The following WDPCP variants were observed in gnomAD, a reference collection of about 807,000 sequenced individuals.
The protein encoded by WDPCP is WD repeat containing planar cell polarity effector, also known as WD repeat-containing and planar cell polarity effector protein fritz homolog.
Under a neutral mutation model 93.1 loss-of-function variants are expected in WDPCP, and 71 were observed. That is an observed-to-expected ratio of 0.76 (90% CI 0.63 to 0.93). WDPCP has a LOEUF of 0.93. WDPCP is among the 40% of genes least tolerant of loss of function. The pLI, the probability that WDPCP is intolerant of heterozygous loss-of-function variation, is 0.00. For missense variants in WDPCP, 844 were observed against 887.4 expected, an observed-to-expected ratio of 0.95 and a Z score of 0.62; for synonymous variants, 315 against 315.0, an observed-to-expected ratio of 1.00 and a Z score of 0.00.
At chr2:63,778,881 A>AT (rs1670345671) in intron 2 of WDPCP, among the ~76,000 whole-genome samples, 1 of 152,138 alleles carries the variant, frequency 6.6e-6, no homozygotes, top group African/African-American at 2.4e-5. Flanking sequence ...AAAATAACAT[A>AT]TTTTTGTTTT....
intron 14 of WDPCP, among the ~76,000 whole-genome samples, chr2:63,215,124 T>C (rs537778601): frequency 7.9e-4 from 121 of 152,256 alleles, no homozygotes; most frequent in African/African-American, 2.7e-3. Context: ...AAAAAACTAC[T>C]TTAAAGTTCA....
intron 6 of WDPCP, among the ~76,000 whole-genome samples, chr2:63,450,839 G>C (rs1463695902): frequency 2.6e-5 from 4 of 151,300 alleles, no homozygotes; most frequent in Non-Finnish European, 5.9e-5. Flanking sequence ...TATAACTTCA[G>C]GAAAAAGTCA....
chr2:63,652,416 G>A (rs1374875973), intron 2 of WDPCP, among the ~76,000 whole-genome samples: 2 of 152,164 alleles, frequency 1.3e-5, no homozygotes, highest in African/African-American at 4.8e-5. Flanking sequence ...AGATCTCAAC[G>A]CAAGCAAAGG....
At chr2:63,378,325 G>A in intron 12 of WDPCP, 61 bp downstream of exon 12, 1 of 1,607,254 alleles carries the variant, frequency 6.2e-7, no homozygotes, top group Non-Finnish European at 8.5e-7. Context: ...TTTAATTAAA[G>A]AGGATGTCTC....
intron 1 of WDPCP, among the ~76,000 whole-genome samples, chr2:63,523,909 C>T (rs1409249049): frequency 6.6e-6 from 1 of 151,984 alleles, no homozygotes; most frequent in Non-Finnish European, 1.5e-5. Context: ...GAAACTCTGT[C>T]TCAAAAAAAT....
intron 9 of WDPCP, among the ~76,000 whole-genome samples, chr2:63,414,579 A>G (rs12465146): frequency 0.41 from 62,453 of 151,900 alleles, 13,103 homozygotes; most frequent in Non-Finnish European, 0.43. Flanking sequence ...ATTTGCAGTG[A>G]CCTGGATGAG....
intron 9 of WDPCP, among the ~76,000 whole-genome samples, chr2:63,407,081 C>T (rs977976162): frequency 2.0e-5 from 3 of 152,044 alleles, no homozygotes; most frequent in African/African-American, 7.2e-5. Flanking sequence ...ATCCTAAACA[C>T]TATGAAGTAA....
intron 12 of WDPCP, among the ~76,000 whole-genome samples, chr2:63,345,182 T>C (rs1234736540): frequency 6.6e-6 from 1 of 152,182 alleles, no homozygotes; most frequent in African/African-American, 2.4e-5. Context: ...CAATTTCCTA[T>C]TACACAGAAA....
chr2:63,431,714 C>A (rs570039921), intron 9 of WDPCP, among the ~76,000 whole-genome samples: 22 of 152,104 alleles, frequency 1.4e-4, no homozygotes, highest in South Asian at 6.2e-4. Context: ...CTAGAAATTT[C>A]TTCTACAAGA....
chr2:63,403,779 T>A, intron 10 of WDPCP: 1 of 395,424 alleles, frequency 2.5e-6, no homozygotes, highest in South Asian at 3.1e-5. Context: ...GTAGTGTAGT[T>A]TATTTTAGAG....
At chr2:63,377,846 ACTTTT>A (rs1444968421) in intron 12 of WDPCP, 2 of 154,404 alleles carry the variant, frequency 1.3e-5, no homozygotes, top group African/African-American at 2.4e-5. Flanking sequence ...CTTCTGCAAT[ACTTTT>A]CTTAGAGAAA....
In WDPCP at chr2:63,484,923, C is replaced by T; in HGVS notation, c.318G>A (p.Glu106=). 1 of 1,612,528 alleles carries T rather than the reference C, an allele frequency of 6.2e-7. No homozygotes were observed. ...GAAACTTTTTGAAAGATACCTCCAA[C>T]TCTTTGAGCGAGTCTCGGAGTTTTT... The part of the protein sequence containing the change: ...RPEKLRDSLK[E]LEELMQNSRC... The change falls in exon 5 of 18, where the codon GAG becomes GAA. Residue 106 remains glutamate, a synonymous_variant. Transcript: ENST00000272321.
chr2:63,495,097 A>G (rs950849322), intron 1 of WDPCP, among the ~76,000 whole-genome samples: 33 of 152,132 alleles, frequency 2.2e-4, no homozygotes, highest in African/African-American at 7.7e-4. Context: ...AAGCTAAGAG[A>G]TGAAATAAGG....
At chr2:63,470,207 C>T (rs1460778854) in intron 6 of WDPCP, among the ~76,000 whole-genome samples, 3 of 152,212 alleles carry the variant, frequency 2.0e-5, no homozygotes, top group Non-Finnish European at 4.4e-5. Flanking sequence ...TGATCTTCAC[C>T]AGTCTTTTGG....
intron 3 of WDPCP, among the ~76,000 whole-genome samples, chr2:63,617,383 G>A (rs1709683342): frequency 6.6e-6 from 1 of 152,172 alleles, no homozygotes; most frequent in Non-Finnish European, 1.5e-5. Flanking sequence ...AGGGAAAAAT[G>A]CTTTCTTATA....
chr2:63,407,243 C>T (rs899944301), intron 9 of WDPCP, among the ~76,000 whole-genome samples: 7 of 151,966 alleles, frequency 4.6e-5, no homozygotes, highest in Non-Finnish European at 7.4e-5. Flanking sequence ...GCAGAGGAAA[C>T]AAGCCCTGAG....
chr2:63,831,019 T>C (rs1440087753), upstream of WDPCP, among the ~76,000 whole-genome samples: 1 of 152,154 alleles, frequency 6.6e-6, no homozygotes, highest in East Asian at 1.9e-4. Flanking sequence ...GATCTCTATC[T>C]CTAAATCTGG....
chr2:63,496,763 TCTC>T (rs987701884), intron 1 of WDPCP, among the ~76,000 whole-genome samples: 7 of 152,092 alleles, frequency 4.6e-5, no homozygotes, highest in Admixed American at 1.3e-4. Flanking sequence ...GAGACATTCT[TCTC>T]CTACTTTAAA....
Position 63,484,649 on chromosome 2 carries a change from G to A in WDPCP, c.339C>T (p.Asn113=). The change falls in exon 6 of 18, where the codon AAC becomes AAT. Residue 113 remains asparagine, a synonymous_variant. Transcript: ENST00000272321. ...SLKELEELMQ[N]SRCVLSKWKN... Reference sequence around the variant, plus strand: ...TCCATTTGCTCAGCACACACCGACTGTTTTGCATCAGCTCCTGAAGCACAA... The same window carrying A: ...TCCATTTGCTCAGCACACACCGACTATTTTGCATCAGCTCCTGAAGCACAA... 6.2e-7 allele frequency: 1 copy of A among 1,612,882 alleles called. No individual in the cohort carries two copies.
Sources: allele counts gnomAD v4.1 joint callset (sites outside exome capture counted in the v4.1 genomes callset), GRCh38; gene constraint gnomAD v4.1.1; transcripts MANE v1.5; gene names NCBI Gene and HGNC (gene_info 2026-07-23, HGNC 2026-07-21).